Variants in PRTG observed in about 807,000 individuals in gnomAD.
The protein encoded by PRTG is protogenin, also known as immunoglobulin superfamily, DCC subclass, member 5.
A neutral mutation model predicts 122.5 loss-of-function variants in PRTG; 67 were observed. The ratio of observed to expected loss-of-function variants is 0.55; its 90% CI spans 0.45 to 0.67. PRTG has a LOEUF of 0.67. PRTG is among the 30% of genes least tolerant of loss of function. PRTG has a pLI of 0.00. For synonymous variants in PRTG, 554 were observed against 501.1 expected (o/e 1.11, Z -1.41); for missense variants, 1,435 against 1,415.4 (o/e 1.01, Z -0.22).
chr15:55,661,866 T>A (rs1000877877), intron 11 of PRTG, among the ~76,000 whole-genome samples: 1 of 146,140 alleles, frequency 6.8e-6, no homozygotes, highest in African/African-American at 2.5e-5. Context: ...GTTTTATTCT[T>A]GGAAGAAAAA....
In PRTG at chr15:55,612,716, A is replaced by G. The variant is rs931273941; in HGVS notation, c.*7296T>C. 7.0e-5 allele frequency: 1 copy of G among 14,364 alleles called. No homozygotes were observed. Among genetic ancestry groups the G allele is most frequent in the African/African-American group, 9.0e-5 (1 of 11,142 alleles). 0.9% of individuals were successfully genotyped at this position (14,364 alleles called of 1,614,324 possible). On this transcript the variant is annotated 3_prime_UTR_variant, in exon 20 of 20. Coordinates refer to ENST00000389286, the MANE Select transcript of PRTG (RefSeq NM_173814.6). ...AAAGCCAATATATATATATATATAT[A>G]TATATATATATATATATATATATAT...
chr15:55,731,823 T>G (rs545626313), intron 2 of PRTG, among the ~76,000 whole-genome samples: 9 of 152,332 alleles, frequency 5.9e-5, no homozygotes, highest in African/African-American at 2.2e-4. Context: ...ATACTACTAA[T>G]TATTAGCAAA....
At chr15:55,704,444 T>C (rs1444139580) in intron 2 of PRTG, among the ~76,000 whole-genome samples, 1 of 152,204 alleles carries the variant, frequency 6.6e-6, no homozygotes, top group East Asian at 1.9e-4. Context: ...GCTTTACAAA[T>C]GGTTATTTCA....
At chr15:55,664,879 A>G (rs1228597150) in intron 11 of PRTG, among the ~76,000 whole-genome samples, 1 of 151,964 alleles carries the variant, frequency 6.6e-6, no homozygotes, top group Non-Finnish European at 1.5e-5. Context: ...GAGCCACTGC[A>G]CCTGGCAGAA....
At chr15:55,630,782 A>G (rs1010150881) in intron 15 of PRTG, among the ~76,000 whole-genome samples, 2 of 152,098 alleles carry the variant, frequency 1.3e-5, no homozygotes, top group African/African-American at 2.4e-5. Context: ...TTCAACCAGA[A>G]AGTTGTTTCA....
intron 11 of PRTG, among the ~76,000 whole-genome samples, chr15:55,654,421 G>A (rs928486517): frequency 1.3e-5 from 2 of 152,174 alleles, no homozygotes; most frequent in Non-Finnish European, 2.9e-5. Flanking sequence ...TTATAAGTAC[G>A]AAATTTATAA....
intron 15 of PRTG, among the ~76,000 whole-genome samples, chr15:55,630,041 C>T (rs925839057): frequency 1.3e-5 from 2 of 149,262 alleles, no homozygotes; most frequent in African/African-American, 5.0e-5. Context: ...GGCTAGAGTG[C>T]AGCGGCACGA....
chr15:55,680,280 C>T, intron 5 of PRTG, 68 bp from the exon 6 acceptor site: 2 of 1,282,128 alleles, frequency 1.6e-6, no homozygotes, highest in South Asian at 2.7e-5. Flanking sequence ...CAAAAGACCA[C>T]TATCCAAGCA....
At chr15:55,728,845 T>C (rs200570590) in intron 2 of PRTG, among the ~76,000 whole-genome samples, 7 of 152,166 alleles carry the variant, frequency 4.6e-5, no homozygotes, top group East Asian at 3.9e-4. Flanking sequence ...TTACAGAAAA[T>C]TGCAAGGAAT....
chr15:55,675,220 G>A (rs2059495639), intron 9 of PRTG, among the ~76,000 whole-genome samples: 1 of 151,976 alleles, frequency 6.6e-6, no homozygotes, highest in Admixed American at 6.6e-5. Flanking sequence ...AGTTATTCAT[G>A]CCTAGAAAAT....
intron 15 of PRTG, among the ~76,000 whole-genome samples, chr15:55,633,705 C>T (rs2059240490): frequency 6.6e-6 from 1 of 152,020 alleles, no homozygotes. Context: ...TGTTATATTC[C>T]TTGCTTTTTG....
At chr15:55,655,926 A>T (rs1211646566) in intron 11 of PRTG, 1 of 152,758 alleles carries the variant, frequency 6.5e-6, no homozygotes, top group East Asian at 1.9e-4. Context: ...TAAACCTTTA[A>T]AATTAGTTAT....
chr15:55,669,115 G>A (rs962015275), intron 11 of PRTG, among the ~76,000 whole-genome samples: 6 of 151,854 alleles, frequency 4.0e-5, no homozygotes, highest in African/African-American at 1.5e-4. Context: ...TATTACCAAG[G>A]AGAGTATGTC....
chr15:55,706,724 C>T (rs1441968612), intron 2 of PRTG, among the ~76,000 whole-genome samples: 1 of 152,000 alleles, frequency 6.6e-6, no homozygotes, highest in Non-Finnish European at 1.5e-5. Context: ...CATGCACATG[C>T]CACTGCACTC....
chr15:55,676,573 A>G (rs2059504174), intron 8 of PRTG, among the ~76,000 whole-genome samples: 1 of 152,226 alleles, frequency 6.6e-6, no homozygotes, highest in Admixed American at 6.5e-5. Flanking sequence ...CATTTTAATT[A>G]GACAAGATTA....
In PRTG at chr15:55,740,375, CACTT is replaced by C; in HGVS notation, c.397+3_397+6del. The stretch of plus-strand genomic sequence containing the variant: ...AAATGTCAACAACTAAAAACTTAAA[CACTT>C]ACTTGATAAGGCAAGATGAGCTTTT... On this transcript the variant is annotated splice_donor_5th_base_variant and intron_variant, in intron 2 of 19. Coordinates refer to ENST00000389286, the MANE Select transcript of PRTG (RefSeq NM_173814.6). 6.3e-7 allele frequency: 1 copy of C among 1,578,840 alleles called. No individual in the cohort carries two copies. Among genetic ancestry groups the C allele is most frequent in the African/African-American group, 1.4e-5 (1 of 73,440 alleles).
chr15:55,632,488 T>C (rs974824219), intron 15 of PRTG, among the ~76,000 whole-genome samples: 3 of 152,166 alleles, frequency 2.0e-5, no homozygotes, highest in African/African-American at 4.8e-5. Context: ...AATACCTTCC[T>C]CTCTCTTAGA....
intron 17 of PRTG, among the ~76,000 whole-genome samples, chr15:55,625,127 GTTGA>G (rs1313243835): frequency 6.6e-6 from 1 of 152,006 alleles, no homozygotes; most frequent in East Asian, 1.9e-4. Flanking sequence ...TGTATTTGAC[GTTGA>G]TTTTTTTTTA....
chr15:55,614,546 A>G lies in PRTG; in HGVS notation c.*5466T>C, dbSNP rs2059134060. ...TTCCCCAGCAACATAACCACTGAAG[A>G]GAAAAGGAGAAAGGGTAACTATAAG... On this transcript the variant is annotated 3_prime_UTR_variant, in exon 20 of 20. Transcript: ENST00000389286. The G allele has an allele frequency of 6.6e-6, 1 of 152,180 alleles. No homozygotes were observed. Among genetic ancestry groups the G allele is most frequent in the Admixed American group, 6.5e-5 (1 of 15,278 alleles). The allele number at this position is 152,180 out of a possible 1,614,324, so 9.4% of individuals were successfully genotyped here.
Sources: allele counts gnomAD v4.1 joint callset (sites outside exome capture counted in the v4.1 genomes callset), GRCh38; gene constraint gnomAD v4.1.1; transcripts MANE v1.5; gene names NCBI Gene and HGNC (gene_info 2026-07-23, HGNC 2026-07-21).